The following TMEM94 variants were observed in gnomAD, a reference collection of about 807,000 sequenced individuals.
TMEM94 encodes the protein ER Mg2+ ATPase.
A neutral mutation model predicts 158.6 loss-of-function variants in TMEM94; 81 were observed. That is an observed-to-expected ratio of 0.51 (90% confidence interval 0.43 to 0.61). The LOEUF is 0.61. Among genes scored for constraint, TMEM94 ranks in the 20% least tolerant of loss-of-function variants. The pLI is 0.00. For missense variants in TMEM94, 1,435 were observed against 1,762.0 expected (o/e 0.81, Z 3.32); for synonymous variants, 751 against 730.7 (o/e 1.03, Z -0.45).
chr17:75,488,280 G>T (rs1274248688), intron 6 of TMEM94, 146 bp downstream of exon 6: 1 of 726,722 alleles, frequency 1.4e-6, no homozygotes, highest in African/African-American at 1.8e-5. Context: ...CCTCCACCCT[G>T]CTGTTCTTTT....
intron 2 of TMEM94, among the ~76,000 whole-genome samples, chr17:75,477,512 G>A (rs2050770078): frequency 6.6e-6 from 1 of 152,034 alleles, no homozygotes; most frequent in Non-Finnish European, 1.5e-5. Flanking sequence ...GCCTCCCAAA[G>A]TGCTGGGGTT....
At chr17:75,479,032 A>G (rs1246390928) in intron 2 of TMEM94, among the ~76,000 whole-genome samples, 2 of 152,194 alleles carry the variant, frequency 1.3e-5, no homozygotes, top group Non-Finnish European at 2.9e-5. Flanking sequence ...ATTGGTGCCC[A>G]GGTACATTGG....
rs767552238 is a variant in TMEM94, at chr17:75,493,817, G to A, written c.2308G>A (p.Val770Ile). The change falls in exon 18 of 32, where the codon GTA (valine) becomes ATA (isoleucine). Residue 770 changes from valine (V) to isoleucine (I), a missense_variant. Physicochemically the swap from Val to Ile is conservative, Grantham distance 29. Transcript: ENST00000314256. The part of the protein sequence containing the change: ...SQLNGKCIEL[V>I]QVPGQSSIFT... ...GCTCAATGGCAAGTGCATCGAGCTGGTACAGGTGCCCGGCCAAAGCAGCAT... is the reference window on the plus strand; with the variant it reads ...GCTCAATGGCAAGTGCATCGAGCTGATACAGGTGCCCGGCCAAAGCAGCAT... 4 of 1,613,768 alleles carry A rather than the reference G, an allele frequency of 2.5e-6. No individual in the cohort carries two copies. In the Admixed American group the frequency reaches 6.7e-5, roughly 27 times the overall value.
At chr17:75,497,936 C>A (rs2052889853) in intron 27 of TMEM94, 74 bp downstream of exon 27, 1 of 1,409,880 alleles carries the variant, frequency 7.1e-7, no homozygotes, top group Non-Finnish European at 1.0e-6. Flanking sequence ...GAGAGAGGGG[C>A]TAATCTGGAA....
intron 24 of TMEM94, 24 bp downstream of exon 24, chr17:75,496,495 A>G (rs2052696482): frequency 6.2e-7 from 1 of 1,606,734 alleles, no homozygotes; most frequent in African/African-American, 1.3e-5. Context: ...CAGGCAAAGG[A>G]GGAGAGACGC....
In TMEM94 at chr17:75,498,193, C is replaced by T. The variant is rs1023007940; in HGVS notation, c.3508C>T (p.Leu1170Phe). Residue 1170 changes from leucine to phenylalanine, a missense_variant, in exon 28 of 32, where the codon CTC becomes TTC. Around this residue, in one of 3 missense-constraint regions of TMEM94, gnomAD observed 335 missense variants for 409.1 expected, o/e 0.82. Transcript: ENST00000314256. This position sits in a 1 kb window ranked among gnomAD's most constrained non-coding sequence, Gnocchi z 6.7. ...IPKKTQHYFL[L>F]CFLLKFSLTI... ...CCCGCAGACCCAGCACTACTTCCTG[C>T]TCTGCTTCCTGCTCAAGTTCAGCCT... The T allele has an allele frequency of 6.2e-7, 1 of 1,613,972 alleles. No individual in the cohort carries two copies. Among genetic ancestry groups the T allele is most frequent in the Non-Finnish European group, 8.5e-7 (1 of 1,180,040 alleles).
intron 11 of TMEM94, 114 bp downstream of exon 11, chr17:75,490,872 C>G: frequency 9.4e-7 from 1 of 1,058,594 alleles, no homozygotes; most frequent in South Asian, 1.3e-5. Flanking sequence ...CCCATGTCCA[C>G]CCGTTACATG....
Position 75,463,075 on chromosome 17 carries a change from T to TACAC in TMEM94, c.-107+6325_-107+6326insCACA, listed in dbSNP as rs1196395125. 1.8e-4 allele frequency among the ~76,000 whole-genome samples: 3 copies of TACAC among 16,724 alleles called. No individual in the cohort carries two copies. The East Asian group carries it at 3.8e-3, about 21-fold the overall frequency. 11.0% of individuals were successfully genotyped at this position (16,724 alleles called of 152,430 possible). A position where few individuals can be genotyped will look rare whatever the true frequency, so the allele number is the denominator to read the frequency against. ...ATATATATATATATATATATATATATATATACACACACACACACATATATA... is the reference window on the plus strand; with the variant it reads ...ATATATATATATATATATATATATATACACATATACACACACACACACATATATA... On this transcript the variant is annotated intron_variant, in intron 1 of 31. Coordinates refer to ENST00000314256, the MANE Select transcript of TMEM94 (RefSeq NM_014738.6).
chr17:75,485,563 G>C lies in TMEM94; in HGVS notation c.144+16G>C, dbSNP rs780453702. The C allele has an allele frequency of 1.9e-6, 3 of 1,613,904 alleles. No homozygotes were observed. Among genetic ancestry groups the C allele is most frequent in the African/African-American group, 1.3e-5 (1 of 74,918 alleles). ...GACGTGGAAGGTGAAGCTTCTTCTC[G>C]GGGCTACCAGGGCCTGGCTGGGATG... On this transcript the variant is annotated intron_variant, in intron 3 of 31. Coordinates refer to ENST00000314256, the MANE Select transcript of TMEM94 (RefSeq NM_014738.6). This position sits in a 1 kb window ranked among gnomAD's most constrained non-coding sequence, Gnocchi z 5.5.
chr17:75,465,971 T>G (rs1367857676), intron 1 of TMEM94, among the ~76,000 whole-genome samples: 1 of 152,088 alleles, frequency 6.6e-6, no homozygotes, highest in Non-Finnish European at 1.5e-5. Flanking sequence ...TAGACTGGAG[T>G]GAAGTGGCAC....
chr17:75,471,721 A>C (rs1243921318), intron 1 of TMEM94, 79 bp from the exon 2 acceptor site: 1 of 575,156 alleles, frequency 1.7e-6, no homozygotes, highest in Non-Finnish European at 3.1e-6. Context: ...CTCAAAAAAA[A>C]AAAAAAATGA....
In TMEM94 at chr17:75,499,339, C is replaced by G; in HGVS notation, c.*5C>G. 6.2e-7 allele frequency: 1 copy of G among 1,613,354 alleles called. No homozygotes were observed. Among genetic ancestry groups the G allele is most frequent in the Non-Finnish European group, 8.5e-7 (1 of 1,179,730 alleles). ...GGCATGAACTCTCCCTTCTGAGCCA[C>G]TGGCTGTGGTGGCTGTAGTTGCCCC... On this transcript the variant is annotated 3_prime_UTR_variant, in exon 32 of 32. Coordinates refer to ENST00000314256, the MANE Select transcript of TMEM94 (RefSeq NM_014738.6).
chr17:75,478,037 A>T, intron 2 of TMEM94, among the ~76,000 whole-genome samples: 1 of 57,910 alleles, frequency 1.7e-5, no homozygotes, highest in Non-Finnish European at 2.7e-5. Context: ...TTTTTTTGAG[A>T]CGGAGTCTCG....
rs146414201 is a variant in TMEM94, at chr17:75,491,294, T to C, written c.1234-9T>C. ...GGCCCCTTTCCTATCTCAAATGCTT[T>C]CCATGCAGGTCCTGTGCTGTGTGGA... is the stretch of plus-strand genomic sequence containing the variant. On this transcript the variant is annotated splice_polypyrimidine_tract_variant and intron_variant, in intron 12 of 31. Coordinates refer to ENST00000314256, the MANE Select transcript of TMEM94 (RefSeq NM_014738.6). This position sits in a 1 kb window ranked among gnomAD's most constrained non-coding sequence, Gnocchi z 5.1. 1.5e-4 allele frequency: 237 copies of C among 1,613,782 alleles called. No individual in the cohort carries two copies. In the African/African-American group the frequency reaches 2.8e-3, roughly 19 times the overall value.
In TMEM94 at chr17:75,491,247, TGGGCAGGATAGGCTAATGCCAGGCC is replaced by T; in HGVS notation, c.1234-55_1234-31del. 1 of 1,547,572 alleles carries T rather than the reference TGGGCAGGATAGGCTAATGCCAGGCC, an allele frequency of 6.5e-7. No individual in the cohort carries two copies. On this transcript the variant is annotated intron_variant, in intron 12 of 31. Coordinates refer to ENST00000314256, the MANE Select transcript of TMEM94 (RefSeq NM_014738.6). The surrounding 1 kb of genome is among the most constrained non-coding windows in gnomAD (Gnocchi z 5.1). ...GCCCACCTGCCGCTTGAGTGGCCCC[TGGGCAGGATAGGCTAATGCCAGGCC>T]CCTTTCCTATCTCAAATGCTTTCCA...
At chr17:75,463,506 G>A (rs2050186484) in intron 1 of TMEM94, among the ~76,000 whole-genome samples, 1 of 152,000 alleles carries the variant, frequency 6.6e-6, no homozygotes, top group East Asian at 1.9e-4. Context: ...GATATTCCAG[G>A]TATGCTCTGA....
intron 2 of TMEM94, among the ~76,000 whole-genome samples, chr17:75,484,193 C>T (rs1341200646): frequency 1.3e-5 from 2 of 152,076 alleles, no homozygotes; most frequent in African/African-American, 4.8e-5. Flanking sequence ...GCCTTTTTTT[C>T]TGTTATGTCC....
intron 18 of TMEM94, 33 bp from the exon 19 acceptor site, chr17:75,494,594 G>T (rs760618160): frequency 9.3e-6 from 15 of 1,607,184 alleles, no homozygotes; most frequent in Non-Finnish European, 1.0e-5. Flanking sequence ...TGGGTGTCCT[G>T]ATCGGGCTGT....
Position 75,488,859 on chromosome 17 carries a change from A to C in TMEM94, c.713A>C (p.Gln238Pro), listed in dbSNP as rs1323932632. The C allele has an allele frequency of 2.5e-6, 4 of 1,611,610 alleles. No homozygotes were observed. In the African/African-American group the frequency reaches 5.3e-5, roughly 22 times the overall value. The part of the protein sequence containing the change: ...GEVERGPQSP[Q>P]QHRLFRVLET... The stretch of plus-strand genomic sequence containing the variant: ...GTGGAGAGAGGGCCACAGAGCCCCC[A>C]GCAGCACCGGCTTTTCCGTGTCCTT... The change falls in exon 7 of 32, where the codon CAG (glutamine) becomes CCG (proline). Residue 238 changes from glutamine to proline, a missense_variant. This residue lies in a region of TMEM94 where 1,051 missense variants were observed against 1,254.4 expected (regional missense o/e 0.84). Transcript: ENST00000314256.
Sources: allele counts gnomAD v4.1 joint callset (sites outside exome capture counted in the v4.1 genomes callset), GRCh38; gene constraint gnomAD v4.1.1; regional missense constraint gnomAD v4.1.1; non-coding constraint Gnocchi (gnomAD v3.1); transcripts MANE v1.5; gene names NCBI Gene and HGNC (gene_info 2026-07-23, HGNC 2026-07-21).